The following SERPINB7 variants were observed in gnomAD, a reference collection of about 807,000 sequenced individuals.
SERPINB7 encodes the protein serpin B7.
A neutral mutation model predicts 37.4 loss-of-function variants in SERPINB7; 31 were observed. That is an observed-to-expected ratio of 0.83 (90% confidence interval 0.62 to 1.12). The LOEUF (loss-of-function observed/expected upper bound fraction) is 1.12, where lower values mean the gene tolerates loss of function less well. SERPINB7 is among the 50% of genes most tolerant of loss of function. The probability of loss-of-function intolerance (pLI) is 0.00; values close to 1 mark genes in which losing one functional copy is unlikely to be tolerated. For synonymous variants in SERPINB7, 163 were observed against 166.1 expected, an observed-to-expected ratio of 0.98 and a Z score of 0.14; for missense variants, 521 against 455.3, an observed-to-expected ratio of 1.14 and a Z score of -1.31.
chr18:63,785,032 GCCT>G (rs1255808793), intron 2 of SERPINB7, among the ~76,000 whole-genome samples: 16 of 152,112 alleles, frequency 1.1e-4, no homozygotes, highest in Non-Finnish European at 2.4e-4. Context: ...ACTCTTTACT[GCCT>G]CATCAATTAC....
chr18:63,773,077 T>A (rs1289274293), upstream of SERPINB7, among the ~76,000 whole-genome samples: 2 of 152,178 alleles, frequency 1.3e-5, no homozygotes, highest in East Asian at 1.9e-4. Context: ...TTCCTTTGTG[T>A]CCTGCCCACA....
chr18:63,769,871 C>A lies in SERPINB7; in HGVS notation c.-18-12484C>A, dbSNP rs372218960. 2.0e-5 allele frequency among the ~76,000 whole-genome samples: 3 copies of A among 151,876 alleles called. 1 individual carries two copies. The highest frequency in any genetic ancestry group is 7.2e-5 in the African/African-American group (3 of 41,418). On this transcript the variant is annotated intron_variant, in intron 1 of 7. Coordinates refer to the SERPINB7 transcript ENST00000336429. ...TCACTTCTTTATGATTGTCCTCAAA[C>A]CCTCTACCTGGGAGGGGAAGGGGTG...
chr18:63,766,812 C>T (rs1388948918), intron 1 of SERPINB7, among the ~76,000 whole-genome samples: 4 of 152,144 alleles, frequency 2.6e-5, no homozygotes, highest in African/African-American at 9.7e-5. Flanking sequence ...CTAAAGGCTG[C>T]TCAAACCATT....
chr18:63,786,166 CCAG>C (rs2049369307), intron 2 of SERPINB7, among the ~76,000 whole-genome samples: 1 of 64,826 alleles, frequency 1.5e-5, no homozygotes, highest in Non-Finnish European at 4.2e-5. Context: ...CACACACACA[CCAG>C]CATGGCACAT....
intron 4 of SERPINB7, among the ~76,000 whole-genome samples, chr18:63,793,942 T>TTCTC (rs139396838): frequency 2.7e-5 from 4 of 149,944 alleles, no homozygotes; most frequent in East Asian, 2.0e-4. Context: ...CTTCTAGAGC[T>TTCTC]TCTCTCTCTC....
At chr18:63,802,992 G>A (rs2144649227) in intron 7 of SERPINB7, among the ~76,000 whole-genome samples, 1 of 152,198 alleles carries the variant, frequency 6.6e-6, no homozygotes, top group East Asian at 1.9e-4. Flanking sequence ...CTTCATAACA[G>A]TCAGATTTTA....
intron 1 of SERPINB7, among the ~76,000 whole-genome samples, chr18:63,760,959 A>C (rs1381302797): frequency 6.6e-6 from 1 of 152,244 alleles, no homozygotes; most frequent in East Asian, 1.9e-4. Flanking sequence ...AAGCCCCCAC[A>C]TAGAGTCCCT....
At chr18:63,800,445 A>C (rs1229557274) in intron 6 of SERPINB7, among the ~76,000 whole-genome samples, 3 of 152,046 alleles carry the variant, frequency 2.0e-5, no homozygotes, top group South Asian at 4.1e-4. Context: ...TTTTCATTTT[A>C]ATGTTATTTA....
At chr18:63,789,648 A>G (rs1048696494) in intron 2 of SERPINB7, among the ~76,000 whole-genome samples, 2 of 152,292 alleles carry the variant, frequency 1.3e-5, no homozygotes, top group African/African-American at 4.8e-5. Context: ...CTTTCTCTCA[A>G]TTGGGAAGAG....
chr18:63,754,353 C>A (rs2049108411), intron 1 of SERPINB7, among the ~76,000 whole-genome samples: 1 of 152,120 alleles, frequency 6.6e-6, no homozygotes, highest in Admixed American at 6.5e-5. Flanking sequence ...GGGTTTGTTA[C>A]AAAATGAAAA....
intron 2 of SERPINB7, among the ~76,000 whole-genome samples, chr18:63,783,968 A>G (rs929987911): frequency 6.6e-6 from 1 of 152,106 alleles, no homozygotes; most frequent in Non-Finnish European, 1.5e-5. Context: ...AGAGTCTTAG[A>G]CTGCTGTTTT....
intron 1 of SERPINB7, among the ~76,000 whole-genome samples, chr18:63,763,337 G>A (rs957279048): frequency 2.8e-4 from 42 of 152,104 alleles, no homozygotes; most frequent in African/African-American, 9.9e-4. Flanking sequence ...AAGTAATTTA[G>A]TTACTAGAAT....
At chr18:63,778,949 A>G (rs748685063) in intron 1 of SERPINB7, among the ~76,000 whole-genome samples, 1 of 152,202 alleles carries the variant, frequency 6.6e-6, no homozygotes, top group Non-Finnish European at 1.5e-5. Context: ...TTATGCAAGA[A>G]ACATAAGAAT....
At chr18:63,789,923 G>C (rs755810272) in intron 2 of SERPINB7, among the ~76,000 whole-genome samples, 2 of 152,168 alleles carry the variant, frequency 1.3e-5, no homozygotes, top group Non-Finnish European at 2.9e-5. Flanking sequence ...ATCAAATGCT[G>C]ATGTTCCCAG....
At chr18:63,795,552 G>A (rs2049477776) in intron 4 of SERPINB7, among the ~76,000 whole-genome samples, 1 of 147,056 alleles carries the variant, frequency 6.8e-6, no homozygotes, top group East Asian at 2.0e-4. Context: ...GGACAAGAGT[G>A]AGACATCGTC....
intron 7 of SERPINB7, among the ~76,000 whole-genome samples, chr18:63,802,551 A>C (rs1023272864): frequency 6.6e-6 from 1 of 152,214 alleles, no homozygotes; most frequent in Non-Finnish European, 1.5e-5. Context: ...GAATTTGGTC[A>C]ATTTTTCTGA....
chr18:63,767,049 C>T (rs1179654057), intron 1 of SERPINB7, among the ~76,000 whole-genome samples: 1 of 152,160 alleles, frequency 6.6e-6, no homozygotes, highest in Non-Finnish European at 1.5e-5. Flanking sequence ...TTAGCCTTCT[C>T]CTGTCCTATG....
At chr18:63,791,403 A>G (rs74465885) in intron 2 of SERPINB7, among the ~76,000 whole-genome samples, 5,112 of 152,270 alleles carry the variant, frequency 0.034, 107 homozygotes, top group South Asian at 0.062. Flanking sequence ...AGGAATAATC[A>G]TTGGTGGGAA....
chr18:63,802,854 T>C (rs2049564612), intron 7 of SERPINB7, among the ~76,000 whole-genome samples: 1 of 152,208 alleles, frequency 6.6e-6, no homozygotes, highest in South Asian at 2.1e-4. Context: ...TTTCTTTCAT[T>C]ACGTTTTCAT....
Sources: allele counts gnomAD v4.1 joint callset (sites outside exome capture counted in the v4.1 genomes callset), GRCh38; gene constraint gnomAD v4.1.1; transcripts MANE v1.5; gene names NCBI Gene and HGNC (gene_info 2026-07-23, HGNC 2026-07-21).